CPNE4: variants seen among roughly 807,000 people sequenced by gnomAD.
CPNE4 encodes copine-4.
A neutral mutation model predicts 67.9 loss-of-function variants in CPNE4; 25 were observed. That is an observed-to-expected ratio of 0.37 (90% CI 0.27 to 0.51). The LOEUF is 0.51. Among genes scored for constraint, CPNE4 ranks in the 20% least tolerant of loss-of-function variants. The pLI is 0.93. For missense variants in CPNE4, 464 were observed against 690.8 expected (o/e 0.67, Z 3.68); for synonymous variants, 242 against 244.9 (o/e 0.99, Z 0.11).
At chr3:131,575,738 A>G (rs1308635491) in intron 9 of CPNE4, among the ~76,000 whole-genome samples, 1 of 152,124 alleles carries the variant, frequency 6.6e-6, no homozygotes, top group Non-Finnish European at 1.5e-5. Context: ...TACCCTGTTT[A>G]TAGATGAGGA....
intron 2 of CPNE4, among the ~76,000 whole-genome samples, chr3:131,797,271 C>T (rs1250614413): frequency 6.6e-6 from 1 of 152,090 alleles, no homozygotes; most frequent in Non-Finnish European, 1.5e-5. Context: ...GAGTAAGGGG[C>T]CCTGAACTCT....
intron 1 of CPNE4, chr3:131,925,700 T>C (rs573664898): frequency 3.9e-5 from 6 of 152,208 alleles, no homozygotes; most frequent in Admixed American, 2.0e-4. Flanking sequence ...TACATACATG[T>C]GTAAATGCCT....
intron 2 of CPNE4, among the ~76,000 whole-genome samples, chr3:131,825,816 T>A (rs1364359243): frequency 3.9e-5 from 6 of 152,190 alleles, no homozygotes; most frequent in Non-Finnish European, 8.8e-5. Context: ...ATAAGCCTTC[T>A]TTTCATCCAT....
At chr3:131,581,128 G>A (rs1477972891) in intron 9 of CPNE4, among the ~76,000 whole-genome samples, 3 of 152,210 alleles carry the variant, frequency 2.0e-5, no homozygotes, top group Non-Finnish European at 1.5e-5. Context: ...AGCCGATATC[G>A]CACCACTGCA....
intron 2 of CPNE4, among the ~76,000 whole-genome samples, chr3:131,897,416 G>A (rs990363672): frequency 2.0e-5 from 3 of 152,074 alleles, no homozygotes; most frequent in African/African-American, 7.2e-5. Flanking sequence ...AAACAGTCTG[G>A]TACTCATTAT....
chr3:131,712,076 T>A (rs75229216), intron 3 of CPNE4, among the ~76,000 whole-genome samples: 3,138 of 152,248 alleles, frequency 0.021, 130 homozygotes, highest in African/African-American at 0.072. Context: ...ATTTCCCAAA[T>A]TAGAATTCTT....
chr3:131,787,203 G>C (rs534695962), intron 2 of CPNE4, among the ~76,000 whole-genome samples: 1 of 152,270 alleles, frequency 6.6e-6, no homozygotes, highest in South Asian at 2.1e-4. Flanking sequence ...ACTTGGTCTA[G>C]AGCAATACAT....
At chr3:131,759,270 T>C (rs1294490090) in intron 2 of CPNE4, among the ~76,000 whole-genome samples, 1 of 152,104 alleles carries the variant, frequency 6.6e-6, no homozygotes, top group Non-Finnish European at 1.5e-5. Flanking sequence ...AAGCCACCAT[T>C]CATGTATCAG....
chr3:131,706,721 C>T (rs562310802), intron 3 of CPNE4, among the ~76,000 whole-genome samples: 28 of 152,310 alleles, frequency 1.8e-4, no homozygotes, highest in Admixed American at 1.4e-3. Flanking sequence ...TTTTCTTTGA[C>T]GCCTGCTGCC....
At chr3:131,863,280 C>A (rs1271328649) in intron 2 of CPNE4, among the ~76,000 whole-genome samples, 2 of 152,138 alleles carry the variant, frequency 1.3e-5, no homozygotes, top group African/African-American at 4.8e-5. Context: ...TGAGGAATCG[C>A]CACACTGACT....
At chr3:131,681,662 T>C (rs560244290) in intron 6 of CPNE4, among the ~76,000 whole-genome samples, 4 of 152,326 alleles carry the variant, frequency 2.6e-5, no homozygotes, top group African/African-American at 9.6e-5. Context: ...AATGTTGATA[T>C]CTTTTTCTAA....
At chr3:131,570,307 TTTTA>T (rs3033368) in intron 10 of CPNE4, among the ~76,000 whole-genome samples, 166 of 149,912 alleles carry the variant, frequency 1.1e-3, no homozygotes, top group Middle Eastern at 6.8e-3. Flanking sequence ...CATTTTCTCT[TTTTA>T]TTTATTTATT....
At chr3:131,550,776 T>C (rs1936129251) in intron 13 of CPNE4, among the ~76,000 whole-genome samples, 1 of 152,090 alleles carries the variant, frequency 6.6e-6, no homozygotes, top group African/African-American at 2.4e-5. Context: ...TGAGTACAGA[T>C]AAGTGATGGT....
intron 1 of CPNE4, among the ~76,000 whole-genome samples, chr3:131,913,490 T>C (rs1001478940): frequency 2.6e-5 from 4 of 152,304 alleles, no homozygotes; most frequent in African/African-American, 9.6e-5. Flanking sequence ...CAACCCACTC[T>C]GAGGGAAGAA....
chr3:131,824,988 A>G (rs368334543), intron 2 of CPNE4, among the ~76,000 whole-genome samples: 45 of 152,234 alleles, frequency 3.0e-4, no homozygotes, highest in South Asian at 2.9e-3. Flanking sequence ...CCATCAATGG[A>G]GTAGAAATGA....
chr3:131,983,019 T>C (rs1168094325), intron 1 of CPNE4, among the ~76,000 whole-genome samples: 1 of 152,114 alleles, frequency 6.6e-6, no homozygotes, highest in Non-Finnish European at 1.5e-5. Context: ...TTCATCATTT[T>C]TATTTTCCAA....
At chr3:131,888,403 T>TAAA (rs35504853) in intron 2 of CPNE4, among the ~76,000 whole-genome samples, 29 of 148,052 alleles carry the variant, frequency 2.0e-4, no homozygotes, top group Non-Finnish European at 3.4e-4. Context: ...GTCTTTGGGT[T>TAAA]AAAAAAAAAA....
chr3:131,847,440 G>A (rs921650475), intron 2 of CPNE4, among the ~76,000 whole-genome samples: 1 of 152,118 alleles, frequency 6.6e-6, no homozygotes, highest in African/African-American at 2.4e-5. Flanking sequence ...ATATGATTAA[G>A]CATAAATGAA....
intron 7 of CPNE4, among the ~76,000 whole-genome samples, chr3:131,633,604 A>AC (rs34037903): frequency 0.27 from 41,705 of 152,036 alleles, 9,451 homozygotes; most frequent in African/African-American, 0.63. Flanking sequence ...AATAATGGAA[A>AC]CAAAAATTAC....
Sources: allele counts gnomAD v4.1 joint callset (sites outside exome capture counted in the v4.1 genomes callset), GRCh38; gene constraint gnomAD v4.1.1; transcripts MANE v1.5; gene names NCBI Gene and HGNC (gene_info 2026-07-23, HGNC 2026-07-21).